The following INTS8 variants were observed in gnomAD, a reference collection of about 807,000 sequenced individuals.
The protein encoded by INTS8 is integrator complex subunit 8, also known as protein kaonashi-1.
A neutral mutation model predicts 138.9 loss-of-function variants in INTS8; 47 were observed. The ratio of observed to expected loss-of-function variants is 0.34; its 90% CI spans 0.27 to 0.43. INTS8 has a LOEUF of 0.43. Ranked by LOEUF, INTS8 falls within the 20% of genes least tolerant of loss-of-function variation. The pLI is 1.00. For synonymous variants in INTS8, 392 were observed against 400.9 expected (o/e 0.98, Z 0.27); for missense variants, 996 against 1,173.0 (o/e 0.85, Z 2.20).
intron 2 of INTS8, among the ~76,000 whole-genome samples, chr8:94,826,584 C>A (rs1020846578): frequency 6.6e-6 from 1 of 152,070 alleles, no homozygotes; most frequent in Non-Finnish European, 1.5e-5. Context: ...GTAAGCAAGT[C>A]TAAGTTTTTT....
chr8:94,840,994 C>A (rs1165420050), intron 8 of INTS8, among the ~76,000 whole-genome samples: 1 of 150,996 alleles, frequency 6.6e-6, no homozygotes, highest in Non-Finnish European at 1.5e-5. Flanking sequence ...CTCAAAGCAA[C>A]CTCCGCCTCC....
intron 6 of INTS8, among the ~76,000 whole-genome samples, chr8:94,832,453 C>T (rs1586471072): frequency 6.6e-6 from 1 of 152,096 alleles, no homozygotes; most frequent in African/African-American, 2.4e-5. Context: ...AATTGATTTA[C>T]AGTTCTTTCA....
intron 16 of INTS8, among the ~76,000 whole-genome samples, chr8:94,861,103 CT>C (rs1476746456): frequency 6.7e-6 from 1 of 150,296 alleles, no homozygotes; most frequent in Non-Finnish European, 1.5e-5. Context: ...TTTCTGGGAA[CT>C]TTTGTAAAAC....
chr8:94,870,302 C>T (rs978594344), intron 20 of INTS8, among the ~76,000 whole-genome samples: 3 of 152,128 alleles, frequency 2.0e-5, no homozygotes, highest in Admixed American at 6.5e-5. Flanking sequence ...CCACCTGCCT[C>T]GGCCTCCCAA....
chr8:94,840,151 T>C (rs1815079930), intron 8 of INTS8, among the ~76,000 whole-genome samples: 1 of 152,238 alleles, frequency 6.6e-6, no homozygotes, highest in Admixed American at 6.5e-5. Flanking sequence ...TGTGTTTTTA[T>C]GAACTATGTG....
chr8:94,854,639 G>C (rs1452244384), intron 14 of INTS8, among the ~76,000 whole-genome samples: 3 of 152,200 alleles, frequency 2.0e-5, no homozygotes, highest in Non-Finnish European at 4.4e-5. Flanking sequence ...AGTTCTTTAG[G>C]AAGGTTAAAG....
chr8:94,848,302 C>T (rs1353744803), intron 10 of INTS8, among the ~76,000 whole-genome samples: 1 of 152,028 alleles, frequency 6.6e-6, no homozygotes, highest in South Asian at 2.1e-4. Flanking sequence ...CAGGAGCCAC[C>T]GCACCAAGCC....
intron 6 of INTS8, among the ~76,000 whole-genome samples, chr8:94,835,502 A>G (rs1814888833): frequency 6.6e-6 from 1 of 152,118 alleles, no homozygotes; most frequent in Non-Finnish European, 1.5e-5. Context: ...GTTACGGTAG[A>G]CGTGCACCAT....
chr8:94,848,075 C>A (rs59521030), intron 10 of INTS8, among the ~76,000 whole-genome samples: 26,544 of 148,526 alleles, frequency 0.18, 2,517 homozygotes, highest in Middle Eastern at 0.27. Flanking sequence ...GTGGCCTGAT[C>A]TCCACTCACT....
intron 5 of INTS8, among the ~76,000 whole-genome samples, chr8:94,830,752 AC>A (rs1814682912): frequency 6.6e-6 from 1 of 151,730 alleles, no homozygotes; most frequent in Non-Finnish European, 1.5e-5. Context: ...CCCACTTCGG[AC>A]CCCCAAAGTG....
intron 20 of INTS8, among the ~76,000 whole-genome samples, chr8:94,869,398 C>T (rs1453510032): frequency 6.6e-6 from 1 of 152,108 alleles, no homozygotes; most frequent in Non-Finnish European, 1.5e-5. Flanking sequence ...ACGATCTCGG[C>T]TTACTGCAAC....
intron 16 of INTS8, among the ~76,000 whole-genome samples, 154 bp from the exon 17 acceptor site, chr8:94,865,352 T>C (rs185007767): frequency 9.2e-5 from 14 of 152,306 alleles, no homozygotes; most frequent in Admixed American, 5.2e-4. Flanking sequence ...AGCCCTAAAT[T>C]CCTCAAAGGT....
chr8:94,860,599 A>AAAAAAC (rs1563662541), intron 16 of INTS8, among the ~76,000 whole-genome samples: 1 of 150,396 alleles, frequency 6.6e-6, no homozygotes, highest in African/African-American at 2.4e-5. Flanking sequence ...AAAAAAAAAA[A>AAAAAAC]AAAAACCCAA....
intron 14 of INTS8, among the ~76,000 whole-genome samples, chr8:94,856,198 A>G (rs1373071450): frequency 1.3e-5 from 2 of 152,244 alleles, no homozygotes; most frequent in Non-Finnish European, 2.9e-5. Flanking sequence ...AGATTGGACA[A>G]TTAAAAGATC....
At chr8:94,827,592 A>T in intron 3 of INTS8, 130 bp from the exon 4 acceptor site, 1 of 1,019,830 alleles carries the variant, frequency 9.8e-7, no homozygotes. Flanking sequence ...AATGTGGATG[A>T]CTTATGCAGG....
At chr8:94,859,458 C>A in intron 15 of INTS8, 53 bp from the exon 16 acceptor site, 3 of 1,560,592 alleles carry the variant, frequency 1.9e-6, no homozygotes, top group Non-Finnish European at 1.8e-6. Flanking sequence ...TTGCTTTGTT[C>A]CTATTTTAAT....
intron 16 of INTS8, among the ~76,000 whole-genome samples, chr8:94,863,166 G>T (rs1054947668): frequency 9.2e-5 from 14 of 152,188 alleles, no homozygotes; most frequent in Non-Finnish European, 1.6e-4. Context: ...TAGTAGTGGG[G>T]GGTTGGCAGC....
rs1296091192 is a variant in INTS8, at chr8:94,842,404, T to A, written c.1176T>A (p.Asp392Glu). ...FKVCACNTVR[D>E]ILEGRTISVQ... ...TTTGTGCCTGTAATACAGTCCGTGA[T>A]ATACTGGAAGGCAGAACAATTAGTG... Residue 392 changes from aspartate to glutamate, a missense_variant, in exon 10 of 27, where the codon GAT (aspartate) becomes GAA (glutamate). Coordinates refer to ENST00000523731, the MANE Select transcript of INTS8 (RefSeq NM_017864.4). The A allele has an allele frequency of 6.2e-7, 1 of 1,604,332 alleles. No individual in the cohort carries two copies. Among genetic ancestry groups the A allele is most frequent in the East Asian group, 2.2e-5 (1 of 44,770 alleles).
chr8:94,869,086 A>G (rs919368467), intron 20 of INTS8, among the ~76,000 whole-genome samples: 3 of 150,574 alleles, frequency 2.0e-5, no homozygotes, highest in African/African-American at 4.9e-5. Flanking sequence ...TGGTTCAAGC[A>G]ATTCTCCTGC....
Sources: allele counts gnomAD v4.1 joint callset (sites outside exome capture counted in the v4.1 genomes callset), GRCh38; gene constraint gnomAD v4.1.1; transcripts MANE v1.5; gene names NCBI Gene and HGNC (gene_info 2026-07-23, HGNC 2026-07-21).